SLC4A11: variants seen among roughly 807,000 people sequenced by gnomAD.
SLC4A11 encodes the protein solute carrier family 4 member 11, also known as bicarbonate transporter related protein 1.
In SLC4A11, 74 loss-of-function variants were observed where a neutral mutation model predicts 95.0. The ratio of observed to expected loss-of-function variants is 0.78; its 90% CI spans 0.65 to 0.95. SLC4A11 has a LOEUF of 0.95. Among genes scored for constraint, SLC4A11 ranks in the 40% least tolerant of loss-of-function variants. The pLI, the probability that SLC4A11 is intolerant of heterozygous loss-of-function variation, is 0.00. For synonymous variants in SLC4A11, 548 were observed against 519.0 expected, an observed-to-expected ratio of 1.06 and a Z score of -0.76; for missense variants, 1,081 against 1,192.4, an observed-to-expected ratio of 0.91 and a Z score of 1.38.
chr20:3,231,071 G>T lies in SLC4A11; in HGVS notation c.1043-13C>A, dbSNP rs778349499. On this transcript the variant is annotated splice_polypyrimidine_tract_variant and intron_variant, in intron 9 of 19. Coordinates refer to ENST00000642402, the MANE Select transcript of SLC4A11 (RefSeq NM_001174089.2). The surrounding 1 kb of genome is among the most constrained non-coding windows in gnomAD (Gnocchi z 5.2). ...TTCCCAATAATGCCTAGGAATGGGG[G>T]ATGGGAGAGAGGGTTTGCTGGGGAT... 1.2e-6 allele frequency: 2 copies of T among 1,608,038 alleles called. No homozygotes were observed. Among genetic ancestry groups the T allele is most frequent in the Non-Finnish European group, 1.7e-6 (2 of 1,179,986 alleles).
rs1371829659 is a variant in SLC4A11 at position 3,233,624 on chromosome 20, C to A, written c.619G>T (p.Ala207Ser). The part of the protein sequence containing the change: ...SWLCIICTMK[A>S]LQKRHVCISR... The stretch of plus-strand genomic sequence containing the variant: ...ATGCACACGTGCCGCTTCTGTAGGG[C>A]CTTCATGGTACAGCTGGCAGGGGCG... The change falls in exon 7 of 20, where the codon GCC (alanine) becomes TCC (serine). Residue 207 changes from alanine (A) to serine (S), a missense_variant. Coordinates refer to ENST00000642402, the MANE Select transcript of SLC4A11 (RefSeq NM_001174089.2). 1 of 1,612,916 alleles carries A rather than the reference C, an allele frequency of 6.2e-7. No homozygotes were observed. Among genetic ancestry groups the A allele is most frequent in the Non-Finnish European group, 8.5e-7 (1 of 1,179,996 alleles).
intron 15 of SLC4A11, 21 bp from the exon 16 acceptor site, chr20:3,229,284 C>T (rs1568530147): frequency 6.2e-7 from 1 of 1,613,078 alleles, no homozygotes; most frequent in Non-Finnish European, 8.5e-7. Context: ...GGACAGGCTA[C>T]TGCTATGCCT....
chr20:3,230,900 A>ACCCCCCCCCCCCCCCCCCCCCCCGC (rs1600577490), intron 10 of SLC4A11, 33 bp downstream of exon 10: 2 of 1,610,758 alleles, frequency 1.2e-6, no homozygotes, highest in Non-Finnish European at 1.7e-6. Context: ...AGCCCAGCAT[A>ACCCCCCCCCCCCCCCCCCCCCCCGC]CCCCCACCCA....
chr20:3,231,482 G>A lies in SLC4A11; in HGVS notation c.796C>T (p.Arg266Cys), dbSNP rs761571805. 6 of 1,613,938 alleles carry A rather than the reference G, an allele frequency of 3.7e-6. No individual in the cohort carries two copies. The highest frequency in any genetic ancestry group is 1.3e-5 in the African/African-American group (1 of 74,906). The change falls in exon 8 of 20, where the codon CGC becomes TGC. Residue 266 changes from arginine to cysteine, a missense_variant. Transcript: ENST00000642402. The surrounding 1 kb of genome is among the most constrained non-coding windows in gnomAD (Gnocchi z 5.2). ...FATMFSDIAF[R>C]QKLLETRTEE... Reference sequence around the variant, plus strand: ...GTGCGGGTCTCCAGGAGCTTCTGGCGGAAGGCGATATCCGAGAACATGGTG... The same window carrying A: ...GTGCGGGTCTCCAGGAGCTTCTGGCAGAAGGCGATATCCGAGAACATGGTG...
chr20:3,237,490 G>A, intron 2 of SLC4A11, 54 bp downstream of exon 2: 1 of 1,577,002 alleles, frequency 6.3e-7, no homozygotes, highest in Non-Finnish European at 8.7e-7. Context: ...CACCCTGGAG[G>A]CTTTTGCCCG....
chr20:3,239,513 T>C (rs551630601), upstream of SLC4A11: 1 of 995,976 alleles, frequency 1.0e-6, no homozygotes, highest in Admixed American at 6.0e-5. Flanking sequence ...GGGAAAACGT[T>C]CGACTGCGCC....
chr20:3,238,062 C>G (rs1407948097), intron 1 of SLC4A11: 1 of 1,481,502 alleles, frequency 6.7e-7, no homozygotes, highest in Non-Finnish European at 9.0e-7. Flanking sequence ...CATAAACGCC[C>G]ATTGCAGGCG....
chr20:3,230,563 G>T lies in SLC4A11; in HGVS notation c.1367C>A (p.Ala456Glu), dbSNP rs1374762690. ...WTGLWNSFFL[A>E]LYAFFNLSLV... ...GCTGAGGTTGAAAAAGGCATAAAGC[G>T]CAAGGAAGAAACTATTCCACAGGCC... is the stretch of plus-strand genomic sequence containing the variant. Residue 456 changes from alanine (A) to glutamate (E), a missense_variant, in exon 12 of 20, where the codon GCG (alanine) becomes GAG (glutamate). By Grantham distance (107) the Ala-to-Glu change is moderately radical (BLOSUM62 -1). Coordinates refer to ENST00000642402, the MANE Select transcript of SLC4A11 (RefSeq NM_001174089.2). The T allele has an allele frequency of 1.9e-6, 3 of 1,613,926 alleles. No individual in the cohort carries two copies. Among genetic ancestry groups the T allele is most frequent in the Admixed American group, 1.7e-5 (1 of 60,032 alleles).
Position 3,231,294 on chromosome 20 carries a change from C to T in SLC4A11, c.948+36G>A, listed in dbSNP as rs754470255. 219 of 1,613,228 alleles carry T rather than the reference C, an allele frequency of 1.4e-4. No individual in the cohort carries two copies. The highest frequency in any genetic ancestry group is 2.5e-4 in the East Asian group (11 of 44,854). ...AGCCCTGTCCGGCCCATGCCCCCGC[C>T]GACCCTGCCGGCCCCCGCCGGCCTC... On this transcript the variant is annotated intron_variant, in intron 8 of 19. Transcript: ENST00000642402. The surrounding 1 kb of genome is among the most constrained non-coding windows in gnomAD (Gnocchi z 5.2).
At position 3,234,808 on chromosome 20, in the gene SLC4A11, T is replaced by C. The variant is rs2067915742; in HGVS notation, c.175A>G (p.Ile59Val). 3 of 1,613,942 alleles carry C rather than the reference T, an allele frequency of 1.9e-6. No homozygotes were observed. Among genetic ancestry groups the C allele is most frequent in the East Asian group, 4.5e-5 (2 of 44,864 alleles). Residue 59 changes from isoleucine (I) to valine (V), a missense_variant, in exon 3 of 20, where the codon ATC becomes GTC. This residue lies in a region of SLC4A11 where 310 missense variants were observed against 313.5 expected (regional missense o/e 0.99). Transcript: ENST00000642402. This position sits in a 1 kb window ranked among gnomAD's most constrained non-coding sequence, Gnocchi z 5.8. ...DEAFDTANSS[I>V]VSGESIRFFV... ...AAACGGATACTCTCGCCAGACACGATGGAGGAGTTGGCAGTGTCGAAGGCC... is the reference window on the plus strand; with the variant it reads ...AAACGGATACTCTCGCCAGACACGACGGAGGAGTTGGCAGTGTCGAAGGCC...
intron 2 of SLC4A11, among the ~76,000 whole-genome samples, chr20:3,235,303 TCTCTCTCACACACACACA>T (rs2067938392): frequency 1.7e-5 from 2 of 114,956 alleles, no homozygotes; most frequent in African/African-American, 6.0e-5. Flanking sequence ...TCTCTCTCTC[TCTCTCTCACACACACACA>T]CACACACACA....
intron 2 of SLC4A11, among the ~76,000 whole-genome samples, chr20:3,235,461 G>C (rs2067951054): frequency 2.6e-5 from 4 of 152,128 alleles, no homozygotes; most frequent in African/African-American, 9.7e-5. Flanking sequence ...AAGGTCTAGG[G>C]AGCAGGAAAA....
chr20:3,229,065 G>GAACACGCGCAGAACCCACC, intron 16 of SLC4A11, 30 bp downstream of exon 16: 1 of 214,426 alleles, frequency 4.7e-6, no homozygotes, highest in Non-Finnish European at 7.9e-6. Context: ...CCCGGGCCCC[G>GAACACGCGCAGAACCCACC]CCCACCCCAC....
Position 3,230,693 on chromosome 20 carries a change from G to A in SLC4A11, c.1282+39C>T, listed in dbSNP as rs759755243. 8 of 1,612,960 alleles carry A rather than the reference G, an allele frequency of 5.0e-6. No individual in the cohort carries two copies. The South Asian group carries it at 7.7e-5, about 15-fold the overall frequency. ...GGGTCAGGGCCCGGCAGGAACCAGG[G>A]GTCTCAGGCACCATCTCCCGCCTCA... On this transcript the variant is annotated intron_variant, in intron 11 of 19. Transcript: ENST00000642402.
intron 1 of SLC4A11, chr20:3,237,895 T>TGG (rs1568547791): frequency 6.4e-7 from 1 of 1,550,802 alleles, no homozygotes; most frequent in Non-Finnish European, 8.7e-7. Context: ...ACCAGTACCA[T>TGG]GTTCGCTAAT....
Position 3,229,171 on chromosome 20 carries a change from G to A in SLC4A11, c.1942C>T (p.Leu648Phe). Residue 648 changes from leucine to phenylalanine, a missense_variant, in exon 16 of 20, where the codon CTC becomes TTC. By Grantham distance (22) the Leu-to-Phe change is conservative. Transcript: ENST00000642402. ...SLRAVSGAMG[L>F]GFLLSMLFFI... ...AAGAGCATGGACAGCAGGAAGCCGA[G>A]GCCCATGGCACCGCTGACGGCCCTC... 1 of 1,612,060 alleles carries A rather than the reference G, an allele frequency of 6.2e-7. No individual in the cohort carries two copies. The highest frequency in any genetic ancestry group is 8.5e-7 in the Non-Finnish European group (1 of 1,179,910).
Position 3,227,808 on chromosome 20 carries a change from C to T in SLC4A11, c.2607G>A (p.Met869Ile). Residue 869 changes from methionine (M) to isoleucine (I), a missense_variant, in exon 20 of 20, where the codon ATG becomes ATA. Met to Ile is a conservative substitution (Grantham distance 10). Around this residue, in one of 3 missense-constraint regions of SLC4A11, gnomAD observed 767 missense variants for 858.0 expected, o/e 0.89. Coordinates refer to ENST00000642402, the MANE Select transcript of SLC4A11 (RefSeq NM_001174089.2). ...CCAGTCAAGGCCTGTGCTCAGCGTC[C>T]ATGACATCCAAGTACTTGGCTTCAA... ...RIIEAKYLDVMDAEHRP is the reference protein window; with the variant it reads ...RIIEAKYLDVIDAEHRP 1 of 1,613,234 alleles carries T rather than the reference C, an allele frequency of 6.2e-7. No homozygotes were observed. Among genetic ancestry groups the T allele is most frequent in the Non-Finnish European group, 8.5e-7 (1 of 1,179,954 alleles).
intron 13 of SLC4A11, 36 bp downstream of exon 13, chr20:3,230,151 C>A: frequency 6.2e-7 from 1 of 1,609,902 alleles, no homozygotes; most frequent in Non-Finnish European, 8.5e-7. Context: ...CTCGGCTGAG[C>A]GCCCTGTTCA....
chr20:3,231,691 T>A lies in SLC4A11; in HGVS notation c.730-143A>T, dbSNP rs546028950. 1.2e-5 allele frequency: 9 copies of A among 745,800 alleles called. No individual in the cohort carries two copies. The highest frequency in any genetic ancestry group is 1.8e-5 in the Non-Finnish European group (8 of 442,984). The allele number at this position is 745,800 out of a possible 1,614,324, so 46.2% of individuals were successfully genotyped here. A position where few individuals can be genotyped will look rare whatever the true frequency, so the allele number is the denominator to read the frequency against. On this transcript the variant is annotated intron_variant, in intron 7 of 19. Transcript: ENST00000642402. This position sits in a 1 kb window ranked among gnomAD's most constrained non-coding sequence, Gnocchi z 5.2. ...GTTTTTTTGAGACAGGGTCTCACTG[T>A]CACCCAGGCTGAGTGCAGTGGCACA...
Sources: allele counts gnomAD v4.1 joint callset (sites outside exome capture counted in the v4.1 genomes callset), GRCh38; gene constraint gnomAD v4.1.1; regional missense constraint gnomAD v4.1.1; non-coding constraint Gnocchi (gnomAD v3.1); transcripts MANE v1.5; gene names NCBI Gene and HGNC (gene_info 2026-07-23, HGNC 2026-07-21).